ZNF362: variants seen among roughly 807,000 people sequenced by gnomAD.
ZNF362 encodes rotund homolog.
A neutral mutation model predicts 42.9 loss-of-function variants in ZNF362; 11 were observed. The ratio of observed to expected loss-of-function variants is 0.26; its 90% CI spans 0.16 to 0.42. The LOEUF is 0.42. Ranked by LOEUF, ZNF362 falls within the 20% of genes least tolerant of loss-of-function variation. The pLI is 1.00. For missense variants in ZNF362, 362 were observed against 576.2 expected (o/e 0.63, Z 3.81); for synonymous variants, 255 against 257.3 (o/e 0.99, Z 0.09).
the ZNF362 span, among the ~76,000 whole-genome samples, chr1:33,179,870 C>T: frequency 6.6e-6 from 1 of 152,142 alleles, no homozygotes; most frequent in South Asian, 2.1e-4. Context: ...CAAAATTTCT[C>T]TAAGCTTTTA....
the ZNF362 span, chr1:33,158,169 C>A: frequency 2.3e-6 from 3 of 1,279,638 alleles, no homozygotes; most frequent in Non-Finnish European, 3.4e-6. Flanking sequence ...ACCCCAACTG[C>A]CCCATGCTGT....
intron 1 of ZNF362, among the ~76,000 whole-genome samples, chr1:33,268,185 G>C (rs1645877671): frequency 6.6e-6 from 1 of 152,174 alleles, no homozygotes; most frequent in Non-Finnish European, 1.5e-5. Flanking sequence ...CAATTAGGAA[G>C]ACAGGACTTG....
intron 6 of ZNF362, among the ~76,000 whole-genome samples, chr1:33,291,943 C>T (rs1646081319): frequency 1.3e-5 from 2 of 152,172 alleles, no homozygotes; most frequent in East Asian, 1.9e-4. Flanking sequence ...GCTGAAGTTG[C>T]TTATCAGCTT....
intron 6 of ZNF362, among the ~76,000 whole-genome samples, chr1:33,291,441 A>G (rs950964422): frequency 2.6e-5 from 4 of 152,230 alleles, no homozygotes; most frequent in African/African-American, 9.6e-5. Context: ...TTTTGGTACC[A>G]GTATCATGCT....
At position 33,270,697 on chromosome 1, in the gene ZNF362, C is replaced by T; in HGVS notation, c.38+85C>T. Reference sequence around the variant, plus strand: ...TAAAGCATTGTGTTCGTCCCACCTTCCCTGAGTGCCCCCGCTGCTACCCTC... The same window carrying T: ...TAAAGCATTGTGTTCGTCCCACCTTTCCTGAGTGCCCCCGCTGCTACCCTC... On this transcript the variant is annotated intron_variant, in intron 2 of 8. Transcript: ENST00000539719. 5 of 1,564,178 alleles carry T rather than the reference C, an allele frequency of 3.2e-6. No individual in the cohort carries two copies. The South Asian group carries it at 6.1e-5, about 19-fold the overall frequency.
the ZNF362 span, among the ~76,000 whole-genome samples, chr1:33,234,964 C>T: frequency 6.6e-6 from 1 of 152,140 alleles, no homozygotes; most frequent in Non-Finnish European, 1.5e-5. Flanking sequence ...TGGCTGAGGC[C>T]TCAGCTGAGG....
chr1:33,191,933 A>G, the ZNF362 span, among the ~76,000 whole-genome samples: 1 of 152,246 alleles, frequency 6.6e-6, no homozygotes, highest in Non-Finnish European at 1.5e-5. Context: ...CTTGCAAGGC[A>G]TCTGCCTTAG....
intron 1 of ZNF362, among the ~76,000 whole-genome samples, chr1:33,267,934 A>T (rs116085502): frequency 6.6e-6 from 1 of 152,204 alleles, no homozygotes; most frequent in Non-Finnish European, 1.5e-5. Flanking sequence ...TGCCAGATTT[A>T]TTTCAGAAAT....
the ZNF362 span, among the ~76,000 whole-genome samples, chr1:33,174,792 C>T: frequency 1.3e-5 from 2 of 152,066 alleles, no homozygotes. Context: ...ATGGGCCTAT[C>T]TTTCGGGACC....
chr1:33,218,937 A>T, the ZNF362 span, among the ~76,000 whole-genome samples: 36 of 6,900 alleles, frequency 5.2e-3, 1 homozygote, highest in African/African-American at 0.014. Context: ...GGACATACAC[A>T]CACACACACA....
the ZNF362 span, among the ~76,000 whole-genome samples, chr1:33,218,394 T>G: frequency 6.6e-6 from 1 of 152,258 alleles, no homozygotes; most frequent in Middle Eastern, 3.4e-3. Context: ...TGCCCTGTGA[T>G]TACACACACC....
the ZNF362 span, among the ~76,000 whole-genome samples, chr1:33,175,160 T>C: frequency 6.6e-6 from 1 of 151,580 alleles, no homozygotes; most frequent in Non-Finnish European, 1.5e-5. Flanking sequence ...TGCCTCAGCC[T>C]CCCGAGTAGC....
At chr1:33,256,013 G>A (rs1645786082), upstream of ZNF362, among the ~76,000 whole-genome samples, 2 of 151,640 alleles carry the variant, frequency 1.3e-5, no homozygotes, top group South Asian at 4.1e-4. Flanking sequence ...GGCCGCCGGG[G>A]CCCCGGGAGC....
chr1:33,154,022 A>G, the ZNF362 span, among the ~76,000 whole-genome samples: 1 of 152,194 alleles, frequency 6.6e-6, no homozygotes, highest in Non-Finnish European at 1.5e-5. Flanking sequence ...AGGTTTTATA[A>G]ACTAAGATGC....
chr1:33,280,331 GC>G lies in ZNF362; in HGVS notation c.564del (p.Lys189SerfsTer21). On this transcript the variant is annotated frameshift_variant, in exon 5 of 9. Coordinates refer to ENST00000539719, the MANE Select transcript of ZNF362 (RefSeq NM_152493.3). LOFTEE classifies it high-confidence loss of function. This position sits in a 1 kb window ranked among gnomAD's most constrained non-coding sequence, Gnocchi z 5.6. The part of the protein sequence containing the change: ...IKTIQGHGLL[G>X]PPKSERGRKK... ...ACAATCCAGGGCCACGGCCTGCTTG[GC>G]CCCCCCAAGTCCGAACGCGGCCGCA... The G allele has an allele frequency of 6.2e-7, 1 of 1,613,896 alleles. No individual in the cohort carries two copies. The highest frequency in any genetic ancestry group is 1.3e-5 in the African/African-American group (1 of 75,022).
At chr1:33,232,455 G>A in the ZNF362 span, among the ~76,000 whole-genome samples, 697 of 152,218 alleles carry the variant, frequency 4.6e-3, 4 homozygotes, top group Middle Eastern at 0.014. Context: ...GCAGAGACGG[G>A]GCTTCACCAT....
chr1:33,194,570 C>G, the ZNF362 span, among the ~76,000 whole-genome samples: 22 of 149,614 alleles, frequency 1.5e-4, no homozygotes, highest in Non-Finnish European at 3.1e-4. Flanking sequence ...GGGTCTGAAG[C>G]CGCACACCTG....
chr1:33,137,053 C>T, the ZNF362 span, among the ~76,000 whole-genome samples: 143 of 151,626 alleles, frequency 9.4e-4, no homozygotes, highest in African/African-American at 3.3e-3. Context: ...GGGGGAGTGA[C>T]GGTTGGCCAG....
chr1:33,177,071 A>ACACACACACATG, the ZNF362 span, among the ~76,000 whole-genome samples: 4 of 11,114 alleles, frequency 3.6e-4, no homozygotes, highest in South Asian at 2.4e-3. This position sits in a 1 kb window ranked among gnomAD's most constrained non-coding sequence, Gnocchi z 4.1. Flanking sequence ...ACACATGCAC[A>ACACACACACATG]CACACACATG....
Sources: gnomAD v4.1 joint callset for allele counts (sites outside exome capture counted in the v4.1 genomes callset) on GRCh38, gnomAD v4.1.1 for gene constraint, Gnocchi (gnomAD v3.1) non-coding constraint, MANE v1.5 for transcripts, NCBI Gene and HGNC (gene_info 2026-07-23, HGNC 2026-07-21) for gene names.